Variants in ADAMTS3 observed in about 807,000 individuals in gnomAD.
ADAMTS3 encodes ADAM metallopeptidase with thrombospondin type 1 motif 3.
In ADAMTS3, 73 loss-of-function variants were observed where a neutral mutation model predicts 129.0. The ratio of observed to expected loss-of-function variants is 0.57; its 90% CI spans 0.47 to 0.69. The LOEUF is 0.69. Among genes scored for constraint, ADAMTS3 ranks in the 30% least tolerant of loss-of-function variants. The pLI, the probability that ADAMTS3 is intolerant of heterozygous loss-of-function variation, is 0.00. For missense variants in ADAMTS3, 1,457 were observed against 1,514.5 expected (o/e 0.96, Z 0.63); for synonymous variants, 477 against 510.8 (o/e 0.93, Z 0.89).
At chr4:72,531,090 CAGG>C (rs1358722692) in intron 3 of ADAMTS3, among the ~76,000 whole-genome samples, 3 of 151,604 alleles carry the variant, frequency 2.0e-5, no homozygotes, top group Non-Finnish European at 2.9e-5. Context: ...AAACACCAGT[CAGG>C]AGGTCATTGT....
At chr4:72,409,832 A>G (rs558406986) in intron 4 of ADAMTS3, among the ~76,000 whole-genome samples, 1 of 152,308 alleles carries the variant, frequency 6.6e-6, no homozygotes, top group South Asian at 2.1e-4. Context: ...GAAACATACA[A>G]AACTAACCAG....
Position 72,283,469 on chromosome 4 carries a change from C to A in ADAMTS3, c.3285G>T (p.Glu1095Asp). 6.2e-7 allele frequency: 1 copy of A among 1,613,998 alleles called. No individual in the cohort carries two copies. The highest frequency in any genetic ancestry group is 8.5e-7 in the Non-Finnish European group (1 of 1,179,954). The change falls in exon 22 of 22, where the codon GAG becomes GAT. Residue 1095 changes from glutamate (E) to aspartate (D), a missense_variant. Coordinates refer to ENST00000286657, the MANE Select transcript of ADAMTS3 (RefSeq NM_014243.3). Reference sequence around the variant, plus strand: ...TCAAAGACATCTTCTTTGCAGGGGTCTCTGAATGATAAGGAACCAAAGATG... The same window carrying A: ...TCAAAGACATCTTCTTTGCAGGGGTATCTGAATGATAAGGAACCAAAGATG... The part of the protein sequence containing the change: ...MPTSLVPYHS[E>D]TPAKKMSLSS...
intron 17 of ADAMTS3, among the ~76,000 whole-genome samples, chr4:72,302,662 C>T (rs1718980597): frequency 6.6e-6 from 1 of 151,822 alleles, no homozygotes. Flanking sequence ...TCTCAGTGAA[C>T]CCCAAGCATA....
At chr4:72,309,135 G>A (rs1719161735) in intron 15 of ADAMTS3, among the ~76,000 whole-genome samples, 1 of 151,712 alleles carries the variant, frequency 6.6e-6, no homozygotes, top group Non-Finnish European at 1.5e-5. Flanking sequence ...TAGCTAGCTA[G>A]TATAACTGAT....
rs1016022128 is a variant in ADAMTS3, at chr4:72,554,008, C to T, written c.98-5124G>A. On this transcript the variant is annotated intron_variant, in intron 2 of 21. Transcript: ENST00000286657. ...AACTACCCCCAAGAAAAACTGTTGTCATATCTCCACTGGCAGCCTAATTAT... is the reference window on the plus strand; with the variant it reads ...AACTACCCCCAAGAAAAACTGTTGTTATATCTCCACTGGCAGCCTAATTAT... 3.9e-5 allele frequency among the ~76,000 whole-genome samples: 6 copies of T among 152,262 alleles called. No individual in the cohort carries two copies. The South Asian group carries it at 1.2e-3, about 32-fold the overall frequency.
At chr4:72,508,456 G>A (rs773049098) in intron 3 of ADAMTS3, among the ~76,000 whole-genome samples, 17 of 152,068 alleles carry the variant, frequency 1.1e-4, no homozygotes, top group Non-Finnish European at 2.4e-4. Context: ...TTAGGAAGAT[G>A]AGTCAAAAAA....
intron 16 of ADAMTS3, among the ~76,000 whole-genome samples, chr4:72,305,233 A>G (rs927923878): frequency 6.6e-6 from 1 of 152,070 alleles, no homozygotes; most frequent in African/African-American, 2.4e-5. Flanking sequence ...AAAAGAAAAA[A>G]AAATCTTCTT....
At chr4:72,552,485 T>C (rs1342795524) in intron 2 of ADAMTS3, among the ~76,000 whole-genome samples, 1 of 152,210 alleles carries the variant, frequency 6.6e-6, no homozygotes, top group African/African-American at 2.4e-5. Context: ...TGAAGGCTTT[T>C]GTGGGCCGTA....
At chr4:72,295,580 A>G in intron 19 of ADAMTS3, 74 bp downstream of exon 19, 1 of 1,484,700 alleles carries the variant, frequency 6.7e-7, no homozygotes. Flanking sequence ...AAATAAAATC[A>G]AAACTAAAAA....
At chr4:72,532,124 C>T (rs1047030181) in intron 3 of ADAMTS3, among the ~76,000 whole-genome samples, 1 of 151,908 alleles carries the variant, frequency 6.6e-6, no homozygotes, top group African/African-American at 2.4e-5. Flanking sequence ...TATCCAGTAC[C>T]ATTGCACACA....
intron 3 of ADAMTS3, among the ~76,000 whole-genome samples, chr4:72,480,255 T>C (rs913618384): frequency 4.6e-5 from 7 of 152,288 alleles, no homozygotes; most frequent in African/African-American, 1.4e-4. Context: ...CGTATGTTTA[T>C]TGTGGCACTA....
At chr4:72,418,136 AT>A (rs1364869821) in intron 3 of ADAMTS3, among the ~76,000 whole-genome samples, 4 of 151,770 alleles carry the variant, frequency 2.6e-5, no homozygotes, top group Non-Finnish European at 5.9e-5. Flanking sequence ...ATCAAGTAAA[AT>A]TTTTTTCCTC....
intron 3 of ADAMTS3, among the ~76,000 whole-genome samples, chr4:72,543,369 A>G (rs549590148): frequency 6.6e-6 from 1 of 152,178 alleles, no homozygotes; most frequent in South Asian, 2.1e-4. Flanking sequence ...CAGGGGATAA[A>G]TTCAAGTGAA....
chr4:72,548,639 G>A lies in ADAMTS3; in HGVS notation c.343C>T (p.Leu115=), dbSNP rs1721529435. The A allele has an allele frequency of 1.2e-6, 2 of 1,614,020 alleles. No homozygotes were observed. The highest frequency in any genetic ancestry group is 8.5e-7 in the Non-Finnish European group (1 of 1,179,932). The part of the protein sequence containing the change: ...GAVVEWHETS[L]VPGNITDPIN... The stretch of plus-strand genomic sequence containing the variant: ...GGATCGGTTATATTCCCAGGCACCA[G>A]AGATGTCTCATGCCACTCCACAACA... Residue 115 remains leucine, a synonymous_variant, in exon 3 of 22, where the codon CTG becomes TTG. Coordinates refer to ENST00000286657, the MANE Select transcript of ADAMTS3 (RefSeq NM_014243.3).
At position 72,548,751 on chromosome 4, in the gene ADAMTS3, A is replaced by C; in HGVS notation, c.231T>G (p.Pro77=). Residue 77 remains proline, a synonymous_variant, in exon 3 of 22, where the codon CCT becomes CCG. Coordinates refer to ENST00000286657, the MANE Select transcript of ADAMTS3 (RefSeq NM_014243.3). ...CCGTGATGTTAAAGAACAACTGCTCAGGGTTGGAAGACACGTCCCTCGCTG... is the reference window on the plus strand; with the variant it reads ...CCGTGATGTTAAAGAACAACTGCTCCGGGTTGGAAGACACGTCCCTCGCTG... ...KRSARDVSSN[P]EQLFFNITAF... 6.2e-7 allele frequency: 1 copy of C among 1,613,982 alleles called. No individual in the cohort carries two copies. The highest frequency in any genetic ancestry group is 8.5e-7 in the Non-Finnish European group (1 of 1,179,898).
chr4:72,519,616 C>G (rs1442235037), intron 3 of ADAMTS3, among the ~76,000 whole-genome samples: 1 of 152,204 alleles, frequency 6.6e-6, no homozygotes, highest in Admixed American at 6.5e-5. Flanking sequence ...ACCCTTTCTT[C>G]CAGTTGATTG....
At chr4:72,483,513 T>C (rs769307194) in intron 3 of ADAMTS3, among the ~76,000 whole-genome samples, 19 of 152,120 alleles carry the variant, frequency 1.2e-4, no homozygotes, top group Non-Finnish European at 2.4e-4. Context: ...CCATCAACAA[T>C]GAGTTTCAGG....
chr4:72,478,016 C>A (rs1719293575), intron 3 of ADAMTS3, among the ~76,000 whole-genome samples: 1 of 152,110 alleles, frequency 6.6e-6, no homozygotes, highest in Non-Finnish European at 1.5e-5. Context: ...TCTGAATAGA[C>A]AAATAACAAG....
chr4:72,434,662 A>G (rs1722776461), intron 3 of ADAMTS3, among the ~76,000 whole-genome samples: 1 of 151,764 alleles, frequency 6.6e-6, no homozygotes, highest in South Asian at 2.1e-4. Flanking sequence ...TAGGTTACAT[A>G]TGTGGCAAAG....
Sources: gnomAD v4.1 joint callset for allele counts (sites outside exome capture counted in the v4.1 genomes callset) on GRCh38, gnomAD v4.1.1 for gene constraint, MANE v1.5 for transcripts, NCBI Gene and HGNC (gene_info 2026-07-23, HGNC 2026-07-21) for gene names.